The following RFFL variants were observed in gnomAD, a reference collection of about 807,000 sequenced individuals.
RFFL encodes the protein ring finger and FYVE like domain containing E3 ubiquitin protein ligase.
RFFL carries 16 observed loss-of-function variants against 40.4 expected under a neutral mutation model. The ratio of observed to expected loss-of-function variants is 0.40; its 90% confidence interval spans 0.27 to 0.60. RFFL has a LOEUF of 0.60. RFFL is among the 20% of genes least tolerant of loss of function. The probability of loss-of-function intolerance (pLI) is 0.47; values close to 1 mark genes in which losing one functional copy is unlikely to be tolerated. For synonymous variants in RFFL, 154 were observed against 167.9 expected, an observed-to-expected ratio of 0.92 and a Z score of 0.64; for missense variants, 367 against 451.7, an observed-to-expected ratio of 0.81 and a Z score of 1.70.
Position 35,023,829 on chromosome 17 carries a change from A to G in RFFL, c.181-2048T>C, listed in dbSNP as rs185639318. On this transcript the variant is annotated intron_variant, in intron 2 of 6. Transcript: ENST00000394597. ...GAATGCAGACAACAACCTAGCTTCTATGCACCCGCTGGCTCACAGGGAACT... is the reference window on the plus strand; with the variant it reads ...GAATGCAGACAACAACCTAGCTTCTGTGCACCCGCTGGCTCACAGGGAACT... Among the ~76,000 whole-genome samples, 11 of 152,294 alleles carry G rather than the reference A, an allele frequency of 7.2e-5. No individual in the cohort carries two copies. The East Asian group carries it at 2.1e-3, about 29-fold the overall frequency.
chr17:35,086,229 A>G (rs2091428360), intron 1 of RFFL, among the ~76,000 whole-genome samples: 1 of 152,162 alleles, frequency 6.6e-6, no homozygotes, highest in South Asian at 2.1e-4. Flanking sequence ...TCACACCCAT[A>G]ATCCCAGCAC....
chr17:35,021,965 G>A lies in RFFL; in HGVS notation c.181-184C>T, dbSNP rs969315408. On this transcript the variant is annotated intron_variant, in intron 2 of 6. Coordinates refer to ENST00000394597, the MANE Select transcript of RFFL (RefSeq NM_001017368.2). ...AGATTTTAGATTAAAAGCCACTCGG[G>A]TGGAAGACCTCCACTATGTATTGTG... 4.6e-5 allele frequency among the ~76,000 whole-genome samples: 7 copies of A among 152,202 alleles called. No individual in the cohort carries two copies. In the South Asian group the frequency reaches 8.3e-4, roughly 18 times the overall value.
chr17:35,070,087 C>T (rs527367334), intron 1 of RFFL, among the ~76,000 whole-genome samples: 135 of 151,554 alleles, frequency 8.9e-4, no homozygotes, highest in African/African-American at 5.1e-4. Context: ...CGAGCGAGCA[C>T]GCACACATAT....
chr17:35,085,292 CCA>C (rs763576187), intron 1 of RFFL, among the ~76,000 whole-genome samples: 84 of 152,284 alleles, frequency 5.5e-4, no homozygotes, highest in Non-Finnish European at 9.8e-4. Context: ...TCATTTACTA[CCA>C]GTCACTAGTC....
At chr17:35,069,377 T>C in intron 1 of RFFL, 1 of 456,316 alleles carries the variant, frequency 2.2e-6, no homozygotes, top group South Asian at 1.6e-5. Flanking sequence ...GTAGATAAGA[T>C]TACCTGTTCA....
At position 35,026,452 on chromosome 17, in the gene RFFL, G is replaced by A. The variant is rs1278122016; in HGVS notation, c.102C>T (p.Tyr34=). ...ARMQAYSNPG[Y]SSFPSPTGLE... is the part of the protein sequence containing the mutation. ...AGCCTGTTGGGGAAGGGAAGGAGCT[G>A]TACCCAGGGTTGGAATAGGCCTGCA... The change falls in exon 2 of 7, where the codon TAC becomes TAT. Residue 34 remains tyrosine, a synonymous_variant. Transcript: ENST00000394597. The A allele has an allele frequency of 3.7e-6, 6 of 1,613,832 alleles. No homozygotes were observed. In the South Asian group the frequency reaches 4.4e-5, roughly 12 times the overall value.
intron 1 of RFFL, among the ~76,000 whole-genome samples, chr17:35,072,348 A>T (rs981318108): frequency 1.3e-5 from 2 of 152,150 alleles, no homozygotes; most frequent in African/African-American, 4.8e-5. Flanking sequence ...ACCCAGTCTT[A>T]AAAGGTCACA....
chr17:35,086,794 A>C lies in RFFL; in HGVS notation c.-9+2311T>G, dbSNP rs115169214. Among the ~76,000 whole-genome samples, 739 of 152,334 alleles carry C rather than the reference A, an allele frequency of 4.9e-3. 10 individuals carry two copies. Among genetic ancestry groups the C allele is most frequent in the African/African-American group, 0.017 (702 of 41,582 alleles). ...ACTATGACTAGTACAAGTTTGGTAT[A>C]AAAGCCTCTATCATTAAAACCATGG... On this transcript the variant is annotated intron_variant, in intron 1 of 6. Coordinates refer to the RFFL transcript ENST00000315249.
In RFFL at chr17:35,085,459, C is replaced by T. The variant is rs570461899; in HGVS notation, c.-9+3646G>A. Among the ~76,000 whole-genome samples the T allele has an allele frequency of 8.5e-5, 13 of 152,270 alleles. No individual in the cohort carries two copies. The South Asian group carries it at 2.3e-3, about 27-fold the overall frequency. Reference sequence around the variant, plus strand: ...TGTTGTTGTTTTTGAGATGGAGTTTCGCTCTTGTTGCCCAGGCTGTAGCGC... The same window carrying T: ...TGTTGTTGTTTTTGAGATGGAGTTTTGCTCTTGTTGCCCAGGCTGTAGCGC... On this transcript the variant is annotated intron_variant, in intron 1 of 6. Transcript: ENST00000315249.
rs1293428236 is a variant in RFFL, at chr17:35,009,027, A to T, written c.*2941T>A. The T allele has an allele frequency of 6.6e-6, 1 of 152,518 alleles. No individual in the cohort carries two copies. Among genetic ancestry groups the T allele is most frequent in the African/African-American group, 2.4e-5 (1 of 41,440 alleles). The allele number at this position is 152,518 out of a possible 1,614,324, so 9.4% of individuals were successfully genotyped here. A position where few individuals can be genotyped will look rare whatever the true frequency, so the allele number is the denominator to read the frequency against. ...AGCAGTCTTCCCACCTTGGCCTCCT[A>T]AAGTGTGGAAATTATAGCATGAACC... On this transcript the variant is annotated 3_prime_UTR_variant, in exon 7 of 7. Coordinates refer to ENST00000394597, the MANE Select transcript of RFFL (RefSeq NM_001017368.2).
At chr17:35,056,058 C>T (rs936700718) in intron 1 of RFFL, among the ~76,000 whole-genome samples, 1 of 152,242 alleles carries the variant, frequency 6.6e-6, no homozygotes, top group African/African-American at 2.4e-5. Context: ...CTCAGGAGGA[C>T]GGATTTGCAG....
At position 35,086,473 on chromosome 17, in the gene RFFL, C is replaced by T. The variant is rs533408302; in HGVS notation, c.-9+2632G>A. Among the ~76,000 whole-genome samples the T allele has an allele frequency of 2.0e-3, 185 of 92,716 alleles. 1 individual carries two copies. Among genetic ancestry groups the T allele is most frequent in the Non-Finnish European group, 2.9e-3 (139 of 48,242 alleles). 60.8% of individuals were successfully genotyped at this position (92,716 alleles called of 152,430 possible). A position where few individuals can be genotyped will look rare whatever the true frequency, so the allele number is the denominator to read the frequency against. ...GCATGGTTGACAAGAGTGAGACCCC[C>T]ATCTCAATTAAAAAAAAAAAAAAAG... On this transcript the variant is annotated intron_variant, in intron 1 of 6. Coordinates refer to the RFFL transcript ENST00000315249.
At chr17:35,042,569 C>T (rs2091173158) in intron 1 of RFFL, among the ~76,000 whole-genome samples, 1 of 151,952 alleles carries the variant, frequency 6.6e-6, no homozygotes, top group Non-Finnish European at 1.5e-5. Flanking sequence ...CACCTGTAAT[C>T]CCAGCACTTT....
At chr17:35,042,748 C>A (rs562750733) in intron 1 of RFFL, among the ~76,000 whole-genome samples, 1 of 150,584 alleles carries the variant, frequency 6.6e-6, no homozygotes. Context: ...TTGCTTGAAC[C>A]CAGGAGGCAG....
chr17:35,063,265 G>C (rs910285804), intron 1 of RFFL, among the ~76,000 whole-genome samples: 5 of 151,850 alleles, frequency 3.3e-5, no homozygotes, highest in African/African-American at 1.2e-4. Flanking sequence ...AAACCAGACT[G>C]ACCAACACAG....
chr17:35,044,104 C>T (rs1478045921), intron 1 of RFFL, among the ~76,000 whole-genome samples: 1 of 152,154 alleles, frequency 6.6e-6, no homozygotes, highest in African/African-American at 2.4e-5. Context: ...TTCATTGATT[C>T]ATTTATTGAG....
Position 35,021,530 on chromosome 17 carries a change from G to C in RFFL, c.432C>G (p.Asp144Glu). 6.2e-7 allele frequency: 1 copy of C among 1,612,866 alleles called. No homozygotes were observed. The highest frequency in any genetic ancestry group is 1.1e-5 in the South Asian group (1 of 90,922). ...LGQQPVISQE[D>E]RTRASTLSPD... ...GGGACAAGGTGGAGGCACGAGTCCT[G>C]TCCTCCTGGGAGATTACAGGCTGCT... The change falls in exon 3 of 7, where the codon GAC (aspartate) becomes GAG (glutamate). Residue 144 changes from aspartate (D) to glutamate (E), a missense_variant. Physicochemically the swap from Asp to Glu is conservative, Grantham distance 45. Coordinates refer to ENST00000394597, the MANE Select transcript of RFFL (RefSeq NM_001017368.2).
intron 3 of RFFL, among the ~76,000 whole-genome samples, chr17:35,019,991 A>G (rs2090998729): frequency 6.6e-6 from 1 of 152,248 alleles, no homozygotes; most frequent in South Asian, 2.1e-4. Flanking sequence ...AAGTGGCAGC[A>G]GCCATCCACA....
At chr17:35,065,616 G>C (rs2091317087), upstream of RFFL, among the ~76,000 whole-genome samples, 2 of 150,966 alleles carry the variant, frequency 1.3e-5, no homozygotes, top group South Asian at 4.2e-4. Flanking sequence ...CCAGGAGACA[G>C]ATACGAACTA....
Sources: allele counts gnomAD v4.1 joint callset (sites outside exome capture counted in the v4.1 genomes callset), GRCh38; gene constraint gnomAD v4.1.1; transcripts MANE v1.5; gene names NCBI Gene and HGNC (gene_info 2026-07-23, HGNC 2026-07-21).